NELL1: variants seen among roughly 807,000 people sequenced by gnomAD.
NELL1 encodes protein kinase C-binding protein NELL1.
Under a neutral mutation model 107.4 loss-of-function variants are expected in NELL1, and 76 were observed. The ratio of observed to expected loss-of-function variants is 0.71; its 90% CI spans 0.59 to 0.86. The LOEUF (loss-of-function observed/expected upper bound fraction) is 0.86, where lower values mean the gene tolerates loss of function less well. Ranked by LOEUF, NELL1 falls within the 40% of genes least tolerant of loss-of-function variation. The probability of loss-of-function intolerance (pLI) is 0.00; values close to 1 mark genes in which losing one functional copy is unlikely to be tolerated. For missense variants in NELL1, 1,024 were observed against 1,005.5 expected, an observed-to-expected ratio of 1.02 and a Z score of -0.25; for synonymous variants, 353 against 341.2, an observed-to-expected ratio of 1.03 and a Z score of -0.38.
chr11:21,076,456 T>C (rs932573544), intron 12 of NELL1, among the ~76,000 whole-genome samples: 5 of 152,230 alleles, frequency 3.3e-5, no homozygotes, highest in African/African-American at 4.8e-5. Context: ...TGGCTTTTCA[T>C]TGGCTGAATT....
At chr11:21,514,074 T>C (rs1178002560) in intron 15 of NELL1, among the ~76,000 whole-genome samples, 4 of 152,194 alleles carry the variant, frequency 2.6e-5, no homozygotes, top group Non-Finnish European at 4.4e-5. Flanking sequence ...AACAACTCGA[T>C]TGCAAATGAT....
At chr11:21,462,072 T>C (rs1853913829) in intron 15 of NELL1, among the ~76,000 whole-genome samples, 1 of 152,132 alleles carries the variant, frequency 6.6e-6, no homozygotes, top group African/African-American at 2.4e-5. Flanking sequence ...TTCATGGTCT[T>C]GTGTGTAGGT....
intron 15 of NELL1, among the ~76,000 whole-genome samples, chr11:21,440,304 G>GTT (rs202069598): frequency 0.026 from 2,980 of 115,940 alleles, 95 homozygotes; most frequent in African/African-American, 0.13. Flanking sequence ...ACAAAAGTAA[G>GTT]TTTTTTTTTT....
At chr11:20,969,275 T>C (rs1236612188) in intron 12 of NELL1, among the ~76,000 whole-genome samples, 1 of 152,174 alleles carries the variant, frequency 6.6e-6, no homozygotes, top group Non-Finnish European at 1.5e-5. Flanking sequence ...GTGACCCATC[T>C]CCTTTCTCTC....
intron 3 of NELL1, among the ~76,000 whole-genome samples, chr11:20,813,005 TCAAAAAAAAAAAAAAAAAAAA>T (rs1382751229): frequency 1.8e-5 from 1 of 56,414 alleles, no homozygotes; most frequent in African/African-American, 1.0e-4. Context: ...AGACTCCGTC[TCAAAAAAAAAAAAAAAAAAAA>T]AAAAAAAAAA....
intron 17 of NELL1, among the ~76,000 whole-genome samples, chr11:21,567,560 A>G (rs759343000): frequency 7.2e-5 from 11 of 151,832 alleles, no homozygotes; most frequent in Non-Finnish European, 1.3e-4. Context: ...AAAAGAGCCA[A>G]TGCACACGAT....
chr11:21,430,242 C>T (rs1852932405), intron 15 of NELL1, among the ~76,000 whole-genome samples: 1 of 152,056 alleles, frequency 6.6e-6, no homozygotes, highest in Non-Finnish European at 1.5e-5. Flanking sequence ...TAAAATCTAC[C>T]TTTTGATATT....
rs1016340887 is a variant in NELL1, at chr11:20,811,507, C to A, written c.335+27677C>A. On this transcript the variant is annotated intron_variant, in intron 3 of 19. Coordinates refer to ENST00000357134, the MANE Select transcript of NELL1 (RefSeq NM_006157.5). The stretch of plus-strand genomic sequence containing the variant: ...GTCCTTAGTATTTTGATAGGGATTG[C>A]ATGGAATCTGTAGATTACTTTAAGT... Among the ~76,000 whole-genome samples the A allele has an allele frequency of 2.6e-5, 4 of 151,956 alleles. No individual in the cohort carries two copies. The South Asian group carries it at 8.3e-4, about 32-fold the overall frequency.
At chr11:20,761,636 C>T (rs1430117686) in intron 2 of NELL1, among the ~76,000 whole-genome samples, 1 of 152,176 alleles carries the variant, frequency 6.6e-6, no homozygotes, top group Non-Finnish European at 1.5e-5. Context: ...AATCTTGACT[C>T]AGTTCTTCAA....
intron 15 of NELL1, among the ~76,000 whole-genome samples, chr11:21,416,895 T>G (rs1852531798): frequency 6.6e-6 from 1 of 152,126 alleles, no homozygotes; most frequent in South Asian, 2.1e-4. Flanking sequence ...TTTATTTAAT[T>G]TATATCCTGT....
intron 13 of NELL1, among the ~76,000 whole-genome samples, chr11:21,149,324 C>T (rs1266807878): frequency 1.3e-5 from 2 of 152,086 alleles, no homozygotes; most frequent in Non-Finnish European, 2.9e-5. Context: ...AAAGACATAC[C>T]CAAGACTGGG....
chr11:21,483,868 AACAC>A (rs143240125), intron 15 of NELL1, among the ~76,000 whole-genome samples: 305 of 138,320 alleles, frequency 2.2e-3, no homozygotes, highest in African/African-American at 6.3e-3. Context: ...TACATATACA[AACAC>A]ACACACACAC....
At chr11:20,957,526 G>C (rs546025129) in intron 11 of NELL1, among the ~76,000 whole-genome samples, 53 of 152,156 alleles carry the variant, frequency 3.5e-4, no homozygotes, top group Non-Finnish European at 6.9e-4. Flanking sequence ...AAACACAAGA[G>C]AATAAGCTAT....
At chr11:21,280,086 G>A (rs1273819948) in intron 14 of NELL1, among the ~76,000 whole-genome samples, 2 of 152,108 alleles carry the variant, frequency 1.3e-5, no homozygotes, top group Non-Finnish European at 2.9e-5. Context: ...CTCAAATAGA[G>A]GATTTTTAAG....
intron 14 of NELL1, among the ~76,000 whole-genome samples, chr11:21,306,658 A>G (rs1254357299): frequency 6.6e-6 from 1 of 152,050 alleles, no homozygotes; most frequent in African/African-American, 2.4e-5. Flanking sequence ...ACTTCACCTA[A>G]TAAATGAGAA....
At chr11:21,534,305 G>A in intron 15 of NELL1, 69 bp from the exon 16 acceptor site, 1 of 1,570,996 alleles carries the variant, frequency 6.4e-7, no homozygotes, top group Non-Finnish European at 8.8e-7. Flanking sequence ...CATGTTTTAG[G>A]CATTTCCTGA....
chr11:20,875,964 C>G (rs1021379275), intron 4 of NELL1, among the ~76,000 whole-genome samples: 2 of 152,222 alleles, frequency 1.3e-5, no homozygotes, highest in Non-Finnish European at 2.9e-5. Flanking sequence ...GAAGACCTCT[C>G]TCCTCTCTGT....
In NELL1 at chr11:21,374,877, C is replaced by CTGTG. The variant is rs1237241848; in HGVS notation, c.1645+3935_1645+3938dup. ...CAGCTACCAGGCTGTGTGGAACTGA[C>CTGTG]TGTGTGTGTCTGTGTGTGTGTGTGT... On this transcript the variant is annotated intron_variant, in intron 15 of 19. Transcript: ENST00000357134. Among the ~76,000 whole-genome samples, 23 of 89,894 alleles carry CTGTG rather than the reference C, an allele frequency of 2.6e-4. No homozygotes were observed. In the South Asian group the frequency reaches 7.5e-3, roughly 29 times the overall value. The allele number at this position is 89,894 out of a possible 152,430, so 59.0% of individuals were successfully genotyped here.
intron 12 of NELL1, among the ~76,000 whole-genome samples, chr11:21,008,807 T>A (rs1191866561): frequency 6.6e-6 from 1 of 152,122 alleles, no homozygotes; most frequent in East Asian, 1.9e-4. Flanking sequence ...CTCATTAACA[T>A]GCAATTATGA....
Sources: allele counts gnomAD v4.1 joint callset (sites outside exome capture counted in the v4.1 genomes callset), GRCh38; gene constraint gnomAD v4.1.1; transcripts MANE v1.5; gene names NCBI Gene and HGNC (gene_info 2026-07-23, HGNC 2026-07-21).